Variants in TUBGCP5 observed in about 807,000 individuals in gnomAD.
TUBGCP5 encodes tubulin gamma complex component 5.
In TUBGCP5, 98 loss-of-function variants were observed where a neutral mutation model predicts 134.7. That is an observed-to-expected ratio of 0.73 (90% CI 0.62 to 0.86). The LOEUF (loss-of-function observed/expected upper bound fraction) is 0.86, where lower values mean the gene tolerates loss of function less well. Ranked by LOEUF, TUBGCP5 falls within the 40% of genes least tolerant of loss-of-function variation. The pLI, the probability that TUBGCP5 is intolerant of heterozygous loss-of-function variation, is 0.00. For missense variants in TUBGCP5, 1,150 were observed against 1,244.8 expected (o/e 0.92, Z 1.15); for synonymous variants, 456 against 431.4 (o/e 1.06, Z -0.71).
intron 11 of TUBGCP5, among the ~76,000 whole-genome samples, chr15:23,019,656 G>A (rs911742553): frequency 1.5e-4 from 23 of 152,096 alleles, no homozygotes; most frequent in African/African-American, 5.3e-4. Flanking sequence ...AATTAGCTGG[G>A]CATGGTGACA....
intron 11 of TUBGCP5, 66 bp from the exon 12 acceptor site, chr15:23,019,400 A>G: frequency 9.8e-7 from 1 of 1,023,104 alleles, no homozygotes; most frequent in Non-Finnish European, 1.5e-6. Context: ...AAGGAGGTTT[A>G]AACATTTCTG....
intron 16 of TUBGCP5, among the ~76,000 whole-genome samples, 191 bp from the exon 17 acceptor site, chr15:23,006,543 C>G (rs559480865): frequency 3.3e-5 from 5 of 152,146 alleles, no homozygotes; most frequent in African/African-American, 1.2e-4. Context: ...GATTTAGAAA[C>G]AGAGAGGGAG....
At chr15:22,989,186 G>C (rs2063775563) in intron 23 of TUBGCP5, among the ~76,000 whole-genome samples, 1 of 152,094 alleles carries the variant, frequency 6.6e-6, no homozygotes, top group Non-Finnish European at 1.5e-5. Flanking sequence ...TTCTCCTCTT[G>C]CCATGTAAAC....
intron 3 of TUBGCP5, among the ~76,000 whole-genome samples, chr15:23,034,714 C>G (rs1304712077): frequency 6.6e-6 from 1 of 151,894 alleles, no homozygotes; most frequent in African/African-American, 2.4e-5. Flanking sequence ...CAAAAATTAG[C>G]CGGGCGGGGT....
Position 23,006,122 on chromosome 15 carries a change from A to G in TUBGCP5, c.2463T>C (p.Tyr821=). The part of the protein sequence containing the change: ...IVISLECQKI[Y]NQVFLLLLQI... The stretch of plus-strand genomic sequence containing the variant: ...GCAATAAGAGAAGAAACACTTGATT[A>G]TAAATTTTTTGACATTCCAAACTTA... The change falls in exon 18 of 23, where the codon TAT becomes TAC. Residue 821 remains tyrosine, a synonymous_variant. Transcript: ENST00000615383. 6.2e-7 allele frequency: 1 copy of G among 1,612,666 alleles called. No individual in the cohort carries two copies. Among genetic ancestry groups the G allele is most frequent in the Non-Finnish European group, 8.5e-7 (1 of 1,179,696 alleles).
chr15:22,993,638 G>A (rs1270762006), intron 23 of TUBGCP5, among the ~76,000 whole-genome samples: 2 of 148,538 alleles, frequency 1.3e-5, no homozygotes, highest in Non-Finnish European at 3.0e-5. Flanking sequence ...TCCGCCTCCT[G>A]GGTTCAAGCG....
intron 6 of TUBGCP5, among the ~76,000 whole-genome samples, chr15:23,029,969 G>A (rs996384777): frequency 1.3e-5 from 2 of 152,106 alleles, no homozygotes; most frequent in East Asian, 3.9e-4. Flanking sequence ...CAGAGGCGGA[G>A]TAATTGCTTG....
At chr15:23,032,446 G>GT (rs1399927263) in intron 4 of TUBGCP5, among the ~76,000 whole-genome samples, 1 of 152,024 alleles carries the variant, frequency 6.6e-6, no homozygotes, top group Non-Finnish European at 1.5e-5. Flanking sequence ...TATGTAAATA[G>GT]TTTTTTAAAA....
At position 23,005,615 on chromosome 15, in the gene TUBGCP5, A is replaced by G; in HGVS notation, c.2534-5T>C. 6.2e-7 allele frequency: 1 copy of G among 1,610,082 alleles called. No individual in the cohort carries two copies. The highest frequency in any genetic ancestry group is 8.5e-7 in the Non-Finnish European group (1 of 1,177,450). On this transcript the variant is annotated splice_region_variant and splice_polypyrimidine_tract_variant and intron_variant, in intron 18 of 22. Transcript: ENST00000615383. The stretch of plus-strand genomic sequence containing the variant: ...TTTCTGCAGTACTAACCAGTTCTAT[A>G]AAACATTGGAAGAGCAAAGTGGACA...
Position 23,005,483 on chromosome 15 carries a change from T to C in TUBGCP5, c.2661A>G (p.Arg887=). Residue 887 remains arginine, a synonymous_variant, in exon 19 of 23, where the codon AGA becomes AGG. Coordinates refer to ENST00000615383, the MANE Select transcript of TUBGCP5 (RefSeq NM_052903.6). ...RQQIHRMFLL[R]VKLMHFVNSL... The stretch of plus-strand genomic sequence containing the variant: ...TGTTCACGAAATGCATGAGCTTCAC[T>C]CTTAAGAGGAACATGCGATGAATCT... 2 of 1,614,204 alleles carry C rather than the reference T, an allele frequency of 1.2e-6. No homozygotes were observed. The highest frequency in any genetic ancestry group is 1.7e-6 in the Non-Finnish European group (2 of 1,180,042).
rs1330326985 is a variant in TUBGCP5 at position 22,999,425 on chromosome 15, G to C, written c.*395C>G. The C allele has an allele frequency of 9.5e-5, 22 of 231,928 alleles. No individual in the cohort carries two copies. The Admixed American group carries it at 1.1e-3, about 11-fold the overall frequency. The allele number at this position is 231,928 out of a possible 1,614,324, so 14.4% of individuals were successfully genotyped here. ...TGGGCAAGTGGTTCTTTCTGAGTCA[G>C]GGTCTCACTCTGTCACCCAGGTTGC... is the stretch of plus-strand genomic sequence containing the variant. On this transcript the variant is annotated 3_prime_UTR_variant, in exon 23 of 23. Coordinates refer to ENST00000615383, the MANE Select transcript of TUBGCP5 (RefSeq NM_052903.6).
intron 14 of TUBGCP5, among the ~76,000 whole-genome samples, chr15:23,010,759 A>G (rs2064988870): frequency 6.6e-6 from 1 of 152,060 alleles, no homozygotes; most frequent in East Asian, 1.9e-4. Context: ...TGGGCAGATC[A>G]CCTGAGGTCA....
chr15:23,032,817 G>T lies in TUBGCP5; in HGVS notation c.317C>A (p.Ala106Glu). The change falls in exon 4 of 23, where the codon GCA (alanine) becomes GAA (glutamate). Residue 106 changes from alanine (A) to glutamate (E), a missense_variant. By Grantham distance (107) the Ala-to-Glu change is moderately radical. Transcript: ENST00000615383. ...LPSIKEIKTD[A>E]HYSILSLLLC... ...AAGAAGTGACAGTATGGAATAATGT[G>T]CATCTGTCTTTAAAACAAAAAAAAG... 2 of 1,564,450 alleles carry T rather than the reference G, an allele frequency of 1.3e-6. No homozygotes were observed. The highest frequency in any genetic ancestry group is 1.7e-6 in the Non-Finnish European group (2 of 1,159,886).
Position 23,011,121 on chromosome 15 carries a change from G to A in TUBGCP5, c.1955+12C>T. ...CATTTCAATTACTGATAACCTTGCA[G>A]GTGTGTCTCACCTTGCAAAGTTAAT... On this transcript the variant is annotated intron_variant, in intron 14 of 22. Transcript: ENST00000615383. 1.9e-6 allele frequency: 3 copies of A among 1,611,546 alleles called. No individual in the cohort carries two copies. The highest frequency in any genetic ancestry group is 2.5e-6 in the Non-Finnish European group (3 of 1,178,192).
intron 3 of TUBGCP5, 146 bp downstream of exon 3, chr15:23,036,751 C>T: frequency 1.5e-6 from 1 of 649,592 alleles, no homozygotes; most frequent in Non-Finnish European, 2.7e-6. Flanking sequence ...GGTTTGATGG[C>T]AATATTTAAG....
downstream of TUBGCP5, among the ~76,000 whole-genome samples, chr15:22,995,116 C>T (rs1015482125): frequency 6.6e-6 from 1 of 151,920 alleles, no homozygotes; most frequent in African/African-American, 2.4e-5. Flanking sequence ...TGATGGTGTG[C>T]GTCTGTGGTC....
chr15:23,019,404 ATT>A (rs2065532224), intron 11 of TUBGCP5, 70 bp from the exon 12 acceptor site: 1 of 932,874 alleles, frequency 1.1e-6, no homozygotes, highest in Non-Finnish European at 1.7e-6. Flanking sequence ...AGGTTTAAAC[ATT>A]TCTGAAATGC....
intron 1 of TUBGCP5, among the ~76,000 whole-genome samples, chr15:23,038,710 A>G (rs183101459): frequency 2.2e-4 from 34 of 152,324 alleles, no homozygotes; most frequent in Non-Finnish European, 2.9e-5. Context: ...ATTATGGGTA[A>G]TGACTCTAAA....
chr15:22,984,081 C>T (rs913589001), intron 23 of TUBGCP5, among the ~76,000 whole-genome samples: 1 of 152,074 alleles, frequency 6.6e-6, no homozygotes, highest in African/African-American at 2.4e-5. Context: ...CATCGTGCCA[C>T]TGCACTCCAG....
Sources: gnomAD v4.1 joint callset for allele counts (sites outside exome capture counted in the v4.1 genomes callset) on GRCh38, gnomAD v4.1.1 for gene constraint, MANE v1.5 for transcripts, NCBI Gene and HGNC (gene_info 2026-07-23, HGNC 2026-07-21) for gene names.